Variants in ADAMTS9 observed in about 807,000 individuals in gnomAD.
ADAMTS9 encodes the protein ADAM metallopeptidase with thrombospondin type 1 motif 9, also known as A disintegrin and metalloproteinase with thrombospondin motifs 9.
A neutral mutation model predicts 257.1 loss-of-function variants in ADAMTS9; 107 were observed. The observed-to-expected ratio is 0.42, with a 90% CI of 0.36 to 0.49. The LOEUF is 0.49. Among genes scored for constraint, ADAMTS9 ranks in the 20% least tolerant of loss-of-function variants. The pLI, the probability that ADAMTS9 is intolerant of heterozygous loss-of-function variation, is 0.03. For missense variants in ADAMTS9, 2,353 were observed against 2,469.1 expected, an observed-to-expected ratio of 0.95 and a Z score of 1.00; for synonymous variants, 982 against 880.9, an observed-to-expected ratio of 1.11 and a Z score of -2.03.
chr3:64,577,360 C>T (rs1287309488), intron 28 of ADAMTS9, among the ~76,000 whole-genome samples: 2 of 152,132 alleles, frequency 1.3e-5, no homozygotes, highest in Non-Finnish European at 1.5e-5. Flanking sequence ...TCAAGGTTTA[C>T]CGGGTGATTA....
In ADAMTS9 at chr3:64,620,016, G is replaced by GT. The variant is rs548526900; in HGVS notation, c.2813+1097dup. ...AACGTCTGCCTTTTAATGTCTTCCT[G>GT]TTTTTTTTTTTTTACAATGACTTTT... On this transcript the variant is annotated intron_variant, in intron 19 of 39. Transcript: ENST00000498707. Among the ~76,000 whole-genome samples, 1,181 of 143,178 alleles carry GT rather than the reference G, an allele frequency of 8.2e-3. 11 individuals are homozygous for GT. The highest frequency in any genetic ancestry group is 0.047 in the South Asian group (215 of 4,530). The allele number at this position is 143,178 out of a possible 152,430, so 93.9% of individuals were successfully genotyped here.
At position 64,596,856 on chromosome 3, in the gene ADAMTS9, G is replaced by A. The variant is rs750552952; in HGVS notation, c.4153C>T (p.Gln1385Ter). 5.6e-6 allele frequency: 9 copies of A among 1,613,904 alleles called. No homozygotes were observed. The Admixed American group carries it at 1.5e-4, about 27-fold the overall frequency. Residue 1385 changes from glutamine (Q) to a stop codon, truncating the protein, a stop_gained, in exon 27 of 40, where the codon CAG (glutamine) becomes TAG (stop). Transcript: ENST00000498707. LOFTEE classifies it high-confidence loss of function. Reference sequence around the variant, plus strand: ...TCTCCCCAGTTGCCATAAGCCCACTGAGGACAAGGGCCGGATTCACAGGCT... The same window carrying A: ...TCTCCCCAGTTGCCATAAGCCCACTAAGGACAAGGGCCGGATTCACAGGCT... ...QRACESGPCP[Q>*]WAYGNWGECT...
intron 28 of ADAMTS9, chr3:64,568,917 G>T: frequency 5.6e-6 from 1 of 179,120 alleles, no homozygotes; most frequent in Non-Finnish European, 1.2e-5. Context: ...CTGGGATAAA[G>T]GTGCATTTCC....
At chr3:64,550,555 T>A in intron 31 of ADAMTS9, 1 of 239,584 alleles carries the variant, frequency 4.2e-6, no homozygotes, top group Admixed American at 5.4e-5. Flanking sequence ...ACTACAGTAT[T>A]TTCTTATACT....
At chr3:64,518,369 A>G (rs1455309122) in intron 39 of ADAMTS9, among the ~76,000 whole-genome samples, 3 of 152,168 alleles carry the variant, frequency 2.0e-5, no homozygotes, top group African/African-American at 7.2e-5. Context: ...GTAATGGGCT[A>G]CTGGAAGCTT....
chr3:64,599,882 G>T lies in ADAMTS9; in HGVS notation c.4017+2062C>A, dbSNP rs1019336790. On this transcript the variant is annotated intron_variant, in intron 26 of 39. Coordinates refer to ENST00000498707, the MANE Select transcript of ADAMTS9 (RefSeq NM_182920.2). ...CTGCAACACACAGCTGATTAGCTGT[G>T]ACAGAGACTGTATGGTTCACACAGC... 3.9e-5 allele frequency among the ~76,000 whole-genome samples: 6 copies of T among 152,196 alleles called. No homozygotes were observed. The South Asian group carries it at 6.2e-4, about 16-fold the overall frequency.
In ADAMTS9 at chr3:64,629,106, C is replaced by T. The variant is rs72890845; in HGVS notation, c.2389+2349G>A. 6.7e-3 allele frequency among the ~76,000 whole-genome samples: 1,020 copies of T among 152,262 alleles called. 7 individuals carry two copies. Among genetic ancestry groups the T allele is most frequent in the African/African-American group, 0.023 (962 of 41,548 alleles). Reference sequence around the variant, plus strand: ...CAACAAGTCATATTGGTTCCAACTTCAAAAGATATCCAGAATCTAACTACA... The same window carrying T: ...CAACAAGTCATATTGGTTCCAACTTTAAAAGATATCCAGAATCTAACTACA... On this transcript the variant is annotated intron_variant, in intron 16 of 39. Coordinates refer to ENST00000498707, the MANE Select transcript of ADAMTS9 (RefSeq NM_182920.2).
intron 3 of ADAMTS9, among the ~76,000 whole-genome samples, chr3:64,669,719 T>A (rs1052595320): frequency 2.6e-5 from 4 of 152,070 alleles, no homozygotes; most frequent in Non-Finnish European, 4.4e-5. Context: ...CAGGGTAGAA[T>A]AAGACAGAAT....
At chr3:64,624,251 GAAGA>G (rs1412603331) in intron 16 of ADAMTS9, among the ~76,000 whole-genome samples, 3 of 149,880 alleles carry the variant, frequency 2.0e-5, no homozygotes, top group South Asian at 2.1e-4. Flanking sequence ...GAAAGAGAAA[GAAGA>G]AAGAAAGGAA....
intron 11 of ADAMTS9, among the ~76,000 whole-genome samples, chr3:64,644,709 T>C (rs1700741557): frequency 6.6e-6 from 1 of 152,210 alleles, no homozygotes; most frequent in Non-Finnish European, 1.5e-5. Flanking sequence ...AGGAGTTTTC[T>C]GGAAATACAT....
intron 19 of ADAMTS9, among the ~76,000 whole-genome samples, chr3:64,617,039 G>T (rs913964811): frequency 3.3e-5 from 5 of 152,164 alleles, no homozygotes; most frequent in Admixed American, 6.5e-5. Context: ...GGCAAGTAAA[G>T]TGGGCTATGG....
intron 38 of ADAMTS9, among the ~76,000 whole-genome samples, chr3:64,532,302 CT>C (rs2082992153): frequency 3.3e-5 from 5 of 152,188 alleles, no homozygotes; most frequent in African/African-American, 1.2e-4. Flanking sequence ...TTGCATTAGC[CT>C]ATAGCAGGGC....
intron 12 of ADAMTS9, among the ~76,000 whole-genome samples, chr3:64,639,046 C>T (rs9311905): frequency 6.6e-6 from 1 of 152,110 alleles, no homozygotes; most frequent in Non-Finnish European, 1.5e-5. Context: ...GCAACCACTT[C>T]TACGTTCTAC....
intron 11 of ADAMTS9, among the ~76,000 whole-genome samples, chr3:64,645,000 G>A (rs534009041): frequency 9.1e-4 from 138 of 152,282 alleles, no homozygotes; most frequent in Non-Finnish European, 1.8e-3. Context: ...CAAAAGAAAG[G>A]AAGAACTTCA....
chr3:64,587,297 A>C (rs1417582851), intron 28 of ADAMTS9: 1 of 152,132 alleles, frequency 6.6e-6, no homozygotes, highest in African/African-American at 2.4e-5. Flanking sequence ...CTATGGGGGA[A>C]CCCCTTACAT....
At chr3:64,675,972 C>T (rs899802964) in intron 3 of ADAMTS9, among the ~76,000 whole-genome samples, 1 of 152,070 alleles carries the variant, frequency 6.6e-6, no homozygotes, top group African/African-American at 2.4e-5. Context: ...GCCTGGAAAT[C>T]CCAATCAGGA....
intron 3 of ADAMTS9, among the ~76,000 whole-genome samples, chr3:64,659,463 C>T (rs1486225376): frequency 7.4e-6 from 1 of 135,416 alleles, no homozygotes; most frequent in Non-Finnish European, 1.5e-5. Context: ...AAGGGATACT[C>T]TGTCTCAAAC....
chr3:64,571,333 C>A (rs2083680092), intron 28 of ADAMTS9, among the ~76,000 whole-genome samples: 2 of 152,130 alleles, frequency 1.3e-5, no homozygotes, highest in African/African-American at 2.4e-5. Flanking sequence ...AATGGCATAA[C>A]CACAATGCTT....
chr3:64,597,066 G>A, intron 26 of ADAMTS9, 75 bp from the exon 27 acceptor site: 1 of 1,574,170 alleles, frequency 6.4e-7, no homozygotes, highest in South Asian at 1.2e-5. Flanking sequence ...TGGTTGAAAG[G>A]TTAAGACAAA....
Sources: gnomAD v4.1 joint callset for allele counts (sites outside exome capture counted in the v4.1 genomes callset) on GRCh38, gnomAD v4.1.1 for gene constraint, MANE v1.5 for transcripts, NCBI Gene and HGNC (gene_info 2026-07-23, HGNC 2026-07-21) for gene names.